FAF1: variants seen among roughly 807,000 people sequenced by gnomAD.
The protein encoded by FAF1 is Fas associated factor 1.
In FAF1, 25 loss-of-function variants were observed where a neutral mutation model predicts 92.5. The ratio of observed to expected loss-of-function variants is 0.27; its 90% CI spans 0.20 to 0.38. The LOEUF is 0.38. Among genes scored for constraint, FAF1 ranks in the 10% least tolerant of loss-of-function variants. The probability of loss-of-function intolerance (pLI) is 1.00; values close to 1 mark genes in which losing one functional copy is unlikely to be tolerated. For synonymous variants in FAF1, 234 were observed against 273.2 expected, an observed-to-expected ratio of 0.86 and a Z score of 1.42; for missense variants, 636 against 793.3, an observed-to-expected ratio of 0.80 and a Z score of 2.38.
intron 1 of FAF1, among the ~76,000 whole-genome samples, chr1:50,885,322 A>ACACACACACACACACACACACACACC (rs1644651296): frequency 8.5e-6 from 1 of 117,908 alleles, no homozygotes; most frequent in African/African-American, 3.5e-5. Context: ...TCACACACAC[A>ACACACACACACACACACACACACACC]CACTCTCTCT....
intron 15 of FAF1, among the ~76,000 whole-genome samples, chr1:50,529,446 A>G (rs966333647): frequency 6.6e-6 from 1 of 152,230 alleles, no homozygotes; most frequent in African/African-American, 2.4e-5. Context: ...GATAAATTAA[A>G]TGGGATTTGG....
At chr1:50,809,391 A>G (rs1662334159) in intron 2 of FAF1, among the ~76,000 whole-genome samples, 1 of 152,174 alleles carries the variant, frequency 6.6e-6, no homozygotes, top group Non-Finnish European at 1.5e-5. Context: ...AAAAAAAGAT[A>G]AAAGCTCCAA....
At chr1:50,835,533 T>A (rs552610187) in intron 2 of FAF1, among the ~76,000 whole-genome samples, 54 of 132,380 alleles carry the variant, frequency 4.1e-4, no homozygotes, top group African/African-American at 1.5e-3. Context: ...ATTGCGCCAC[T>A]GCACTCCAGC....
intron 2 of FAF1, among the ~76,000 whole-genome samples, chr1:50,824,921 G>C (rs1644081666): frequency 6.6e-6 from 1 of 152,100 alleles, no homozygotes; most frequent in Non-Finnish European, 1.5e-5. Flanking sequence ...GTAGAGAGTA[G>C]AATGATGGGA....
intron 1 of FAF1, among the ~76,000 whole-genome samples, chr1:50,951,709 G>C (rs1645215449): frequency 1.3e-5 from 2 of 152,158 alleles, no homozygotes; most frequent in Admixed American, 1.3e-4. Context: ...GGACAGAGGA[G>C]AAAGGAAAGA....
chr1:50,885,324 A>ACACACACACACACACT, intron 1 of FAF1, among the ~76,000 whole-genome samples: 1 of 102,280 alleles, frequency 9.8e-6, no homozygotes, highest in African/African-American at 3.5e-5. Flanking sequence ...ACACACACAC[A>ACACACACACACACACT]CTCTCTCTCT....
rs138832278 is a variant in FAF1, at chr1:50,744,666, T to C, written c.459+18A>G. 3 of 1,507,584 alleles carry C rather than the reference T, an allele frequency of 2.0e-6. No individual in the cohort carries two copies. The African/African-American group carries it at 4.1e-5, about 21-fold the overall frequency. The allele number at this position is 1,507,584 out of a possible 1,614,324, so 93.4% of individuals were successfully genotyped here. A position where few individuals can be genotyped will look rare whatever the true frequency, so the allele number is the denominator to read the frequency against. On this transcript the variant is annotated intron_variant, in intron 5 of 18. Coordinates refer to ENST00000396153, the MANE Select transcript of FAF1 (RefSeq NM_007051.3). ...ATAACTTAATTTTCTTTTATTTCTA[T>C]GCAATTAAGAAACTCACACTGTCTT... is the stretch of plus-strand genomic sequence containing the variant.
At position 50,896,134 on chromosome 1, in the gene FAF1, A is replaced by G. The variant is rs1377710809; in HGVS notation, c.46-38137T>C. 4.6e-5 allele frequency among the ~76,000 whole-genome samples: 7 copies of G among 152,136 alleles called. No homozygotes were observed. The East Asian group carries it at 1.2e-3, about 25-fold the overall frequency. ...CTTGTTTGTTATCAAAAAATAGAAA[A>G]ATTAGCCCAGCATGGTGGTGCATGC... On this transcript the variant is annotated intron_variant, in intron 1 of 18. Transcript: ENST00000396153.
At chr1:50,580,511 T>G (rs918772915) in intron 12 of FAF1, among the ~76,000 whole-genome samples, 1 of 151,826 alleles carries the variant, frequency 6.6e-6, no homozygotes, top group Non-Finnish European at 1.5e-5. Flanking sequence ...GGCTATTTAT[T>G]GTACTATAGT....
At chr1:50,692,525 A>AGTCTC (rs1569778167) in intron 7 of FAF1, among the ~76,000 whole-genome samples, 1 of 151,960 alleles carries the variant, frequency 6.6e-6, no homozygotes, top group East Asian at 1.9e-4. Flanking sequence ...ACTTTTCTAG[A>AGTCTC]ATCCATATAT....
At chr1:50,612,892 T>C (rs17106336) in intron 8 of FAF1, among the ~76,000 whole-genome samples, 10,966 of 152,254 alleles carry the variant, frequency 0.072, 429 homozygotes, top group African/African-American at 0.1. Context: ...ATTGTGAAGC[T>C]CTAGAATTAG....
chr1:50,538,451 T>C (rs1258667481), intron 14 of FAF1, among the ~76,000 whole-genome samples: 2 of 151,912 alleles, frequency 1.3e-5, no homozygotes, highest in Non-Finnish European at 2.9e-5. Context: ...TGACTACTAT[T>C]GCAGTTTTGT....
intron 7 of FAF1, among the ~76,000 whole-genome samples, chr1:50,696,203 A>G (rs1421513608): frequency 2.6e-5 from 4 of 152,008 alleles, no homozygotes; most frequent in Non-Finnish European, 5.9e-5. Flanking sequence ...AGTATATCTT[A>G]TGCTCCTCTC....
At chr1:50,877,048 C>T (rs78565398) in intron 1 of FAF1, among the ~76,000 whole-genome samples, 8,336 of 152,224 alleles carry the variant, frequency 0.055, 306 homozygotes, top group African/African-American at 0.1. Context: ...ATTTATGTAG[C>T]TACTCCACCC....
At chr1:50,506,280 C>T (rs1263514136) in intron 15 of FAF1, among the ~76,000 whole-genome samples, 1 of 152,178 alleles carries the variant, frequency 6.6e-6, no homozygotes, top group African/African-American at 2.4e-5. Context: ...CTAATCTTAA[C>T]ATAGCTGGCC....
At chr1:50,944,523 T>G (rs1385187526) in intron 1 of FAF1, among the ~76,000 whole-genome samples, 1 of 152,118 alleles carries the variant, frequency 6.6e-6, no homozygotes, top group Admixed American at 6.6e-5. Flanking sequence ...CAATCACCTT[T>G]TACTCACAAC....
intron 2 of FAF1, among the ~76,000 whole-genome samples, chr1:50,845,053 A>C (rs1399238551): frequency 6.6e-6 from 1 of 152,208 alleles, no homozygotes. Context: ...CAATATCTCC[A>C]TCTGTCTCAG....
chr1:50,924,837 G>A (rs1019214755), intron 1 of FAF1, among the ~76,000 whole-genome samples: 1 of 152,204 alleles, frequency 6.6e-6, no homozygotes, highest in Non-Finnish European at 1.5e-5. Context: ...ACAAAAATTA[G>A]CTGGGTGTGG....
At chr1:50,950,303 C>G (rs1056894773) in intron 1 of FAF1, among the ~76,000 whole-genome samples, 1 of 152,186 alleles carries the variant, frequency 6.6e-6, no homozygotes, top group South Asian at 2.1e-4. Context: ...GAGGTGTAAC[C>G]ACATATTGCC....
Sources: gnomAD v4.1 joint callset for allele counts (sites outside exome capture counted in the v4.1 genomes callset) on GRCh38, gnomAD v4.1.1 for gene constraint, MANE v1.5 for transcripts, NCBI Gene and HGNC (gene_info 2026-07-23, HGNC 2026-07-21) for gene names.